The following LRRC9 variants were observed in gnomAD, a reference collection of about 807,000 sequenced individuals.
LRRC9 encodes the protein leucine rich repeat containing 9, also known as leucine-rich repeat-containing protein 9.
LRRC9 carries 122 observed loss-of-function variants against 63.2 expected under a neutral mutation model. The ratio of observed to expected loss-of-function variants is 1.93; its 90% CI spans 1.67 to 2.24. LRRC9 has a LOEUF of 2.24. LRRC9 is among the 30% of genes most tolerant of loss of function. The pLI is 0.00. For missense variants in LRRC9, 1,071 were observed against 627.7 expected (o/e 1.71, Z -7.55); for synonymous variants, 366 against 213.1 (o/e 1.72, Z -6.25).
chr14:59,971,168 C>T (rs1199148856), intron 12 of LRRC9, among the ~76,000 whole-genome samples: 1 of 152,100 alleles, frequency 6.6e-6, no homozygotes, highest in Admixed American at 6.6e-5. Context: ...TATCCCAGCA[C>T]CATTTATTGA....
rs939003998 is a variant in LRRC9, at chr14:59,958,113, C to T, written c.883-1705C>T. 2.0e-5 allele frequency among the ~76,000 whole-genome samples: 3 copies of T among 152,302 alleles called. No individual in the cohort carries two copies. The East Asian group carries it at 5.8e-4, about 29-fold the overall frequency. ...GTCAGGAGGCACGGGGGTCAGGAAC[C>T]CACTTGAGCAGGCAGTCTGTCCCTT... On this transcript the variant is annotated intron_variant, in intron 8 of 31. Transcript: ENST00000445360. This position sits in a 1 kb window ranked among gnomAD's most constrained non-coding sequence, Gnocchi z 4.0.
chr14:59,963,538 C>A (rs186680826), intron 10 of LRRC9, among the ~76,000 whole-genome samples: 3 of 151,206 alleles, frequency 2.0e-5, no homozygotes, highest in Non-Finnish European at 4.4e-5. Context: ...CTTTAAAATA[C>A]GACAAAACAA....
exon 15 of LRRC9, chr14:59,978,116 T>C (rs1438409216): frequency 1.0e-5 from 7 of 702,200 alleles, no homozygotes; most frequent in Non-Finnish European, 7.8e-6. Context: ...GTTGTTGAAT[T>C]TGAGTATATT....
chr14:60,000,055 G>T (rs1016974318), intron 19 of LRRC9, among the ~76,000 whole-genome samples: 7 of 152,066 alleles, frequency 4.6e-5, no homozygotes, highest in African/African-American at 1.7e-4. Context: ...GTGCCCATCA[G>T]TGGTGGACTG....
At chr14:59,981,406 C>A (rs112316748) in intron 15 of LRRC9, among the ~76,000 whole-genome samples, 2 of 152,058 alleles carry the variant, frequency 1.3e-5, no homozygotes, top group Non-Finnish European at 2.9e-5. Context: ...CAATTCTTAC[C>A]GTAATTACTG....
chr14:59,984,884 C>A (rs1887294673), intron 16 of LRRC9, among the ~76,000 whole-genome samples: 1 of 152,128 alleles, frequency 6.6e-6, no homozygotes. Context: ...TAATCAAGAA[C>A]CAGGTCTAGT....
At chr14:59,920,622 C>G (rs12435660) in intron 1 of LRRC9, among the ~76,000 whole-genome samples, 1 of 151,954 alleles carries the variant, frequency 6.6e-6, no homozygotes, top group Non-Finnish European at 1.5e-5. Flanking sequence ...TTATTTGGAC[C>G]ATCAGTGGTA....
chr14:59,960,281 G>T (rs1267554212), intron 9 of LRRC9, among the ~76,000 whole-genome samples: 1 of 152,160 alleles, frequency 6.6e-6, no homozygotes, highest in Non-Finnish European at 1.5e-5. Context: ...CTGCTCTAGT[G>T]TCTGCAAACT....
chr14:59,988,315 C>G (rs1196666064), intron 17 of LRRC9, among the ~76,000 whole-genome samples: 1 of 152,024 alleles, frequency 6.6e-6, no homozygotes, highest in Non-Finnish European at 1.5e-5. Flanking sequence ...CTGGACTGAA[C>G]TTGTTGGAAG....
intron 7 of LRRC9, among the ~76,000 whole-genome samples, chr14:59,939,312 A>C (rs1881500525): frequency 6.6e-6 from 1 of 151,994 alleles, no homozygotes; most frequent in Non-Finnish European, 1.5e-5. Context: ...GAGAAGTAAC[A>C]GATGAAGACA....
intron 27 of LRRC9, among the ~76,000 whole-genome samples, chr14:60,026,269 T>C (rs944911795): frequency 6.6e-6 from 1 of 152,094 alleles, no homozygotes; most frequent in Admixed American, 6.6e-5. Context: ...TATATCCTTG[T>C]CAGCATTTAT....
rs932528761 is a variant in LRRC9, at chr14:60,028,113, A to G, written c.3921+12A>G. 2 of 680,494 alleles carry G rather than the reference A, an allele frequency of 2.9e-6. No homozygotes were observed. Among genetic ancestry groups the G allele is most frequent in the African/African-American group, 3.6e-5 (2 of 55,670 alleles). 42.2% of individuals were successfully genotyped at this position (680,494 alleles called of 1,614,324 possible). ...ATAATAAAATCCAGGTAACATTATT[A>G]TTTTTTTATTATGGGATTTACAAGC... On this transcript the variant is annotated intron_variant, in intron 28 of 31. Transcript: ENST00000445360.
chr14:60,015,021 T>C (rs1260898380), intron 23 of LRRC9, among the ~76,000 whole-genome samples: 2 of 152,174 alleles, frequency 1.3e-5, no homozygotes, highest in Non-Finnish European at 2.9e-5. Context: ...TATTGTTCTG[T>C]CTTCAAGTTC....
chr14:59,957,168 G>A lies in LRRC9; in HGVS notation c.883-2650G>A, dbSNP rs184430714. Among the ~76,000 whole-genome samples, 5 of 152,176 alleles carry A rather than the reference G, an allele frequency of 3.3e-5. No homozygotes were observed. The East Asian group carries it at 9.7e-4, about 29-fold the overall frequency. On this transcript the variant is annotated intron_variant, in intron 8 of 31. Transcript: ENST00000445360. The stretch of plus-strand genomic sequence containing the variant: ...TCTGTATTTCCTGAATGTGAATATT[G>A]GCCTGTCTTGCTAGGGTGAGGAAGT...
rs1203786294 is a variant in LRRC9 at position 59,975,066 on chromosome 14, ATGTG to A, written c.1639+374_1639+377del. Among the ~76,000 whole-genome samples the A allele has an allele frequency of 3.4e-3, 48 of 14,100 alleles. 4 individuals carry two copies. Among genetic ancestry groups the A allele is most frequent in the Middle Eastern group, 0.036 (1 of 28 alleles). 9.3% of individuals were successfully genotyped at this position (14,100 alleles called of 152,430 possible). A position where few individuals can be genotyped will look rare whatever the true frequency, so the allele number is the denominator to read the frequency against. On this transcript the variant is annotated intron_variant, in intron 13 of 31. Transcript: ENST00000445360. ...ATATATATATATGCTGAACTAAACTATGTGTGTGTGTGTGTGTGTAGTGTATATA... is the reference window on the plus strand; with the variant it reads ...ATATATATATATGCTGAACTAAACTATGTGTGTGTGTGTGTAGTGTATATA...
In LRRC9 at chr14:59,936,797, T is replaced by C. The variant is rs1432925941; in HGVS notation, c.544-1593T>C. 6.6e-6 allele frequency among the ~76,000 whole-genome samples: 1 copy of C among 152,178 alleles called. No homozygotes were observed. The highest frequency in any genetic ancestry group is 1.5e-5 in the Non-Finnish European group (1 of 68,020). ...ACATTCTCACTTGTCCAGAGAGAGT[T>C]TGGAAATACATTAACCGCCTCAACC... On this transcript the variant is annotated intron_variant, in intron 6 of 31. Coordinates refer to ENST00000445360, the Ensembl canonical transcript of LRRC9. The surrounding 1 kb of genome is among the most constrained non-coding windows in gnomAD (Gnocchi z 4.2).
chr14:60,027,918 C>T lies in LRRC9; in HGVS notation c.3738C>T (p.Asn1246=), dbSNP rs1891686035. The change falls in exon 28 of 32, where the codon AAC becomes AAT. Residue 1246 remains asparagine, a synonymous_variant. Transcript: ENST00000445360. The surrounding 1 kb of genome is among the most constrained non-coding windows in gnomAD (Gnocchi z 4.0). ...TCAGCCAAGTTGAAGGGCTTGACAACTTAGTAGTCCTTCAAGAATTGGTAG... is the reference window on the plus strand; with the variant it reads ...TCAGCCAAGTTGAAGGGCTTGACAATTTAGTAGTCCTTCAAGAATTGGTAG... 2.9e-6 allele frequency: 2 copies of T among 701,320 alleles called. No homozygotes were observed. The highest frequency in any genetic ancestry group is 2.7e-5 in the East Asian group (1 of 37,252). The allele number at this position is 701,320 out of a possible 1,614,324, so 43.4% of individuals were successfully genotyped here.
Position 60,003,075 on chromosome 14 carries a change from G to A in LRRC9, c.2665-546G>A, listed in dbSNP as rs529966915. On this transcript the variant is annotated intron_variant, in intron 20 of 31. Coordinates refer to ENST00000445360, the Ensembl canonical transcript of LRRC9. The surrounding 1 kb of genome is among the most constrained non-coding windows in gnomAD (Gnocchi z 4.2). The stretch of plus-strand genomic sequence containing the variant: ...GTGAAGCTGCTCCCAGAAAATGGGA[G>A]ACATTACTGGCATTACTTTTATTAC... Among the ~76,000 whole-genome samples the A allele has an allele frequency of 2.0e-5, 3 of 152,332 alleles. No individual in the cohort carries two copies. Among genetic ancestry groups the A allele is most frequent in the Non-Finnish European group, 4.4e-5 (3 of 68,020 alleles).
At chr14:60,047,452 G>A (rs886259702) in intron 29 of LRRC9, among the ~76,000 whole-genome samples, 4 of 152,058 alleles carry the variant, frequency 2.6e-5, no homozygotes, top group African/African-American at 9.7e-5. Flanking sequence ...ACAAAGGGAT[G>A]AAGGATAATT....
Sources: gnomAD v4.1 joint callset for allele counts (sites outside exome capture counted in the v4.1 genomes callset) on GRCh38, gnomAD v4.1.1 for gene constraint, Gnocchi (gnomAD v3.1) non-coding constraint, MANE v1.5 for transcripts, NCBI Gene and HGNC (gene_info 2026-07-23, HGNC 2026-07-21) for gene names.